ARHGAP23: variants seen among roughly 807,000 people sequenced by gnomAD.
The protein encoded by ARHGAP23 is Rho GTPase activating protein 23, also known as rho GTPase-activating protein 23.
ARHGAP23 carries 34 observed loss-of-function variants against 136.3 expected under a neutral mutation model. The observed-to-expected ratio is 0.25, with a 90% CI of 0.19 to 0.33. The LOEUF is 0.33. ARHGAP23 is among the 10% of genes least tolerant of loss of function. The pLI is 1.00. For missense variants in ARHGAP23, 1,808 were observed against 2,139.0 expected (o/e 0.85, Z 3.05); for synonymous variants, 832 against 920.5 (o/e 0.90, Z 1.74).
chr17:38,432,079 G>A (rs991674971), intron 1 of ARHGAP23, among the ~76,000 whole-genome samples: 6 of 152,196 alleles, frequency 3.9e-5, no homozygotes, highest in Admixed American at 2.0e-4. Context: ...CCCCCAGGGC[G>A]CCCCATGCCC....
At position 38,510,946 on chromosome 17, in the gene ARHGAP23, G is replaced by A. The variant is rs2144836402; in HGVS notation, c.4450G>A (p.Ala1484Thr). The A allele has an allele frequency of 3.4e-6, 5 of 1,458,334 alleles. No homozygotes were observed. Among genetic ancestry groups the A allele is most frequent in the Non-Finnish European group, 3.6e-6 (4 of 1,117,148 alleles). The allele number at this position is 1,458,334 out of a possible 1,614,324, so 90.3% of individuals were successfully genotyped here. ...GAGCCAGCCCCCGCGCCGCTCGGCC[G>A]CCTCCCGCCTGCATCAGTGTCTGTG... ...LQSQPPRRSA[A>T]SRLHQCL is the part of the protein sequence containing the mutation. The change falls in exon 24 of 24, where the codon GCC (alanine) becomes ACC (threonine). Residue 1484 changes from alanine to threonine, a missense_variant. Physicochemically the swap from Ala to Thr is moderately conservative, Grantham distance 58. Transcript: ENST00000622683. This position sits in a 1 kb window ranked among gnomAD's most constrained non-coding sequence, Gnocchi z 4.6.
intron 1 of ARHGAP23, among the ~76,000 whole-genome samples, chr17:38,431,133 G>A (rs1270216655): frequency 6.6e-6 from 1 of 152,152 alleles, no homozygotes; most frequent in Non-Finnish European, 1.5e-5. Flanking sequence ...CTCAGGACCT[G>A]CTATGTCCCG....
At chr17:38,442,219 C>T (rs1359745761) in intron 1 of ARHGAP23, among the ~76,000 whole-genome samples, 4 of 152,278 alleles carry the variant, frequency 2.6e-5, no homozygotes, top group Middle Eastern at 3.4e-3. Context: ...TCTGTCTCCC[C>T]AAGTTCTGTG....
chr17:38,444,403 G>A (rs1489754904), intron 1 of ARHGAP23, among the ~76,000 whole-genome samples: 1 of 152,130 alleles, frequency 6.6e-6, no homozygotes, highest in Admixed American at 6.5e-5. Context: ...GCACACCCTT[G>A]TGTGTATGTT....
chr17:38,437,133 G>GGCC (rs1273093224), intron 1 of ARHGAP23, among the ~76,000 whole-genome samples: 1 of 152,038 alleles, frequency 6.6e-6, no homozygotes, highest in Non-Finnish European at 1.5e-5. Context: ...TTTCAAGCTG[G>GGCC]GCCAGGCATG....
At chr17:38,474,488 G>C (rs2039842979) in intron 11 of ARHGAP23, among the ~76,000 whole-genome samples, 2 of 152,110 alleles carry the variant, frequency 1.3e-5, no homozygotes, top group East Asian at 1.9e-4. Context: ...GAGGGTGGTG[G>C]GTGGTGGGAC....
chr17:38,479,798 C>T lies in ARHGAP23; in HGVS notation c.2544C>T (p.Arg848=), dbSNP rs770374106. 162 of 1,517,786 alleles carry T rather than the reference C, an allele frequency of 1.1e-4. 2 individuals carry two copies. In the South Asian group the frequency reaches 1.4e-3, roughly 13 times the overall value. 94.0% of individuals were successfully genotyped at this position (1,517,786 alleles called of 1,614,324 possible). A position where few individuals can be genotyped will look rare whatever the true frequency, so the allele number is the denominator to read the frequency against. The stretch of plus-strand genomic sequence containing the variant: ...CTGATTCCTCCCCCAAAGGCTCTCG[C>T]GGCCTGGGGGGCCTCAAGTCTGAGT... ...PKADSSPKGS[R]GLGGLKSEFL... is the part of the protein sequence containing the mutation. Residue 848 remains arginine (R), a synonymous_variant, in exon 14 of 24, where the codon CGC becomes CGT. Coordinates refer to ENST00000622683, the MANE Select transcript of ARHGAP23 (RefSeq NM_001199417.2).
At chr17:38,441,166 A>T (rs1342865019) in intron 1 of ARHGAP23, among the ~76,000 whole-genome samples, 1 of 152,134 alleles carries the variant, frequency 6.6e-6, no homozygotes, top group African/African-American at 2.4e-5. Flanking sequence ...GTGTATTTGC[A>T]TCTCACTTGC....
intron 1 of ARHGAP23, among the ~76,000 whole-genome samples, chr17:38,449,643 G>A (rs987486508): frequency 1.3e-5 from 2 of 152,130 alleles, no homozygotes; most frequent in African/African-American, 4.8e-5. Flanking sequence ...TGCATGCCTG[G>A]GATGCACGGA....
chr17:38,499,036 A>G (rs2040461080), intron 22 of ARHGAP23: 2 of 698,408 alleles, frequency 2.9e-6, no homozygotes, highest in Non-Finnish European at 5.2e-6. Context: ...GGCAGGCAGA[A>G]TGTCCCGGAC....
intron 6 of ARHGAP23, among the ~76,000 whole-genome samples, chr17:38,465,664 C>T (rs1352727359): frequency 6.6e-6 from 1 of 152,220 alleles, no homozygotes; most frequent in Non-Finnish European, 1.5e-5. Flanking sequence ...CCCTGTGGCT[C>T]AGGAGCCAGC....
chr17:38,440,027 C>T (rs1555577238), intron 1 of ARHGAP23, among the ~76,000 whole-genome samples: 2 of 140,228 alleles, frequency 1.4e-5, no homozygotes, highest in Admixed American at 7.4e-5. Flanking sequence ...CGAGCCCAGT[C>T]GGAACTTTTT....
intron 15 of ARHGAP23, 143 bp downstream of exon 15, chr17:38,482,286 C>A: frequency 7.1e-7 from 1 of 1,406,788 alleles, no homozygotes; most frequent in South Asian, 1.4e-5. Flanking sequence ...GGGAAGGCCC[C>A]CGCCTGCCCC....
intron 20 of ARHGAP23, among the ~76,000 whole-genome samples, chr17:38,493,483 C>G (rs566710874): frequency 6.6e-6 from 1 of 152,204 alleles, no homozygotes; most frequent in South Asian, 2.1e-4. Flanking sequence ...TGAGCCATCA[C>G]GCCCAGCCAG....
chr17:38,449,995 C>T (rs2039124493), intron 1 of ARHGAP23, among the ~76,000 whole-genome samples: 1 of 152,222 alleles, frequency 6.6e-6, no homozygotes, highest in South Asian at 2.1e-4. Flanking sequence ...CTACTTGCTT[C>T]TACTCCTCCA....
At position 38,491,415 on chromosome 17, in the gene ARHGAP23, C is replaced by T. The variant is rs1400001605; in HGVS notation, c.3159C>T (p.Pro1053=). ...CTTTCCCTGCTGCCCAGATGGAACC[C>T]CGGAACCTGGCCCTGGTCTTTGGGC... ...ADHSEKNKME[P]RNLALVFGPT... The change falls in exon 20 of 24, where the codon CCC becomes CCT. Residue 1053 remains proline, a synonymous_variant. Transcript: ENST00000622683. The T allele has an allele frequency of 6.5e-7, 1 of 1,549,668 alleles. No individual in the cohort carries two copies. Among genetic ancestry groups the T allele is most frequent in the East Asian group, 2.4e-5 (1 of 40,906 alleles).
chr17:38,508,678 G>A (rs1425606457), intron 23 of ARHGAP23, among the ~76,000 whole-genome samples: 1 of 152,178 alleles, frequency 6.6e-6, no homozygotes, highest in Non-Finnish European at 1.5e-5. Context: ...GGAGGAGGAG[G>A]AGTTGGCTTT....
intron 17 of ARHGAP23, among the ~76,000 whole-genome samples, chr17:38,489,403 GTT>G (rs2040223739): frequency 7.7e-6 from 1 of 129,500 alleles, no homozygotes; most frequent in African/African-American, 3.1e-5. Flanking sequence ...GGGGACATCT[GTT>G]GAGGCCCCCA....
At chr17:38,435,254 G>A (rs1597740795) in intron 1 of ARHGAP23, among the ~76,000 whole-genome samples, 1 of 151,858 alleles carries the variant, frequency 6.6e-6, no homozygotes, top group African/African-American at 2.4e-5. Context: ...TACTCGGGAG[G>A]CTGAGACAGG....
Sources: allele counts gnomAD v4.1 joint callset (sites outside exome capture counted in the v4.1 genomes callset), GRCh38; gene constraint gnomAD v4.1.1; non-coding constraint Gnocchi (gnomAD v3.1); transcripts MANE v1.5; gene names NCBI Gene and HGNC (gene_info 2026-07-23, HGNC 2026-07-21).